HERC3: variants seen among roughly 807,000 people sequenced by gnomAD.
HERC3 encodes the protein HECT and RLD domain containing E3 ubiquitin protein ligase 3, also known as probable E3 ubiquitin-protein ligase HERC3.
Under a neutral mutation model 129.9 loss-of-function variants are expected in HERC3, and 58 were observed. That is an observed-to-expected ratio of 0.45 (90% CI 0.36 to 0.56). The LOEUF (loss-of-function observed/expected upper bound fraction) is 0.56, where lower values mean the gene tolerates loss of function less well. Among genes scored for constraint, HERC3 ranks in the 20% least tolerant of loss-of-function variants. HERC3 has a pLI of 0.00. For missense variants in HERC3, 835 were observed against 1,244.2 expected (o/e 0.67, Z 4.95); for synonymous variants, 430 against 451.0 (o/e 0.95, Z 0.59).
At chr4:88,545,896 A>T in the HERC3 span, among the ~76,000 whole-genome samples, 2 of 152,234 alleles carry the variant, frequency 1.3e-5, no homozygotes, top group Non-Finnish European at 2.9e-5. Flanking sequence ...AGATGTAATC[A>T]TTCAAGTGCT....
At chr4:88,703,876 A>C (rs535437958) in intron 23 of HERC3, among the ~76,000 whole-genome samples, 1 of 152,206 alleles carries the variant, frequency 6.6e-6, no homozygotes, top group African/African-American at 2.4e-5. Context: ...TATCTGGCTT[A>C]TCCTGCCTTG....
intron 25 of HERC3, among the ~76,000 whole-genome samples, chr4:88,704,863 C>CTTTCTTTTTCTTT (rs1336673525): frequency 7.7e-6 from 1 of 130,672 alleles, no homozygotes; most frequent in African/African-American, 3.0e-5. Flanking sequence ...TTCTTTCTTT[C>CTTTCTTTTTCTTT]TTTTTTTTTT....
chr4:88,692,263 A>G (rs1470961889), intron 23 of HERC3, among the ~76,000 whole-genome samples: 1 of 149,292 alleles, frequency 6.7e-6, no homozygotes, highest in Non-Finnish European at 1.5e-5. Flanking sequence ...CCTAAAATTT[A>G]CCTTAATTTG....
intron 23 of HERC3, among the ~76,000 whole-genome samples, chr4:88,702,908 T>C (rs1735450616): frequency 6.6e-6 from 1 of 152,140 alleles, no homozygotes; most frequent in African/African-American, 2.4e-5. Context: ...CATATATAAA[T>C]AAACATGGAG....
chr4:88,686,727 T>G lies in HERC3; in HGVS notation c.2508-9T>G, dbSNP rs760729162. The stretch of plus-strand genomic sequence containing the variant: ...TGCCACTTTTCCTTTTCTGTCATTC[T>G]ATGATTAGGAGTCTCCAAGAGCTTT... On this transcript the variant is annotated splice_polypyrimidine_tract_variant and intron_variant, in intron 21 of 25. Transcript: ENST00000402738. 6.9e-6 allele frequency: 11 copies of G among 1,596,794 alleles called. No homozygotes were observed. The highest frequency in any genetic ancestry group is 9.4e-6 in the Non-Finnish European group (11 of 1,164,724).
At chr4:88,604,939 A>T (rs559179624) in intron 2 of HERC3, among the ~76,000 whole-genome samples, 20 of 151,868 alleles carry the variant, frequency 1.3e-4, no homozygotes, top group Non-Finnish European at 2.5e-4. Flanking sequence ...GTAGCGAGAG[A>T]TGAGATTTTT....
chr4:88,642,965 A>T (rs955142737), intron 3 of HERC3, among the ~76,000 whole-genome samples: 1 of 152,126 alleles, frequency 6.6e-6, no homozygotes, highest in African/African-American at 2.4e-5. Flanking sequence ...AAGAAAAAAA[A>T]CCATCTCTAT....
At chr4:88,642,828 A>G (rs74654321) in intron 3 of HERC3, among the ~76,000 whole-genome samples, 2,164 of 150,572 alleles carry the variant, frequency 0.014, 55 homozygotes, top group African/African-American at 0.05. Flanking sequence ...ACCATTGGAC[A>G]TGGCAAGGAT....
intron 3 of HERC3, among the ~76,000 whole-genome samples, chr4:88,616,769 A>G (rs534249226): frequency 7.2e-5 from 11 of 152,292 alleles, no homozygotes; most frequent in Admixed American, 1.3e-4. Flanking sequence ...GTCATGAACA[A>G]TGAGTAAAAT....
chr4:88,684,954 CAAA>C (rs1014093024), intron 21 of HERC3: 10 of 152,208 alleles, frequency 6.6e-5, no homozygotes, highest in African/African-American at 2.4e-4. Context: ...GAAGCGAGCA[CAAA>C]AGAAGACATT....
chr4:88,679,133 G>A (rs1483997363), intron 19 of HERC3, among the ~76,000 whole-genome samples: 2 of 152,204 alleles, frequency 1.3e-5, no homozygotes, highest in Non-Finnish European at 2.9e-5. Context: ...GATGATAATA[G>A]TACCCTATGC....
intron 2 of HERC3, among the ~76,000 whole-genome samples, chr4:88,603,739 A>C (rs1316271371): frequency 6.6e-6 from 1 of 152,260 alleles, no homozygotes; most frequent in East Asian, 1.9e-4. Context: ...AAAGCATTAG[A>C]TAAAGCTTCC....
At chr4:88,583,464 G>A in the HERC3 span, among the ~76,000 whole-genome samples, 1 of 151,668 alleles carries the variant, frequency 6.6e-6, no homozygotes, top group African/African-American at 2.4e-5. Context: ...TAAAAAAAAT[G>A]TAATTATATG....
At chr4:88,569,081 A>G in the HERC3 span, among the ~76,000 whole-genome samples, 1 of 152,120 alleles carries the variant, frequency 6.6e-6, no homozygotes, top group Non-Finnish European at 1.5e-5. Flanking sequence ...TTTCAAAGAT[A>G]TTTAAGACCT....
chr4:88,662,621 A>T, intron 11 of HERC3, 66 bp downstream of exon 11: 1 of 1,510,454 alleles, frequency 6.6e-7, no homozygotes, highest in African/African-American at 1.4e-5. Context: ...GCTTAGTGTG[A>T]TTTTCCGTAC....
At chr4:88,542,835 A>G in the HERC3 span, among the ~76,000 whole-genome samples, 21 of 152,218 alleles carry the variant, frequency 1.4e-4, no homozygotes, top group African/African-American at 4.8e-4. Context: ...AACGACAGAA[A>G]CCACACAATT....
At chr4:88,655,072 A>G in intron 7 of HERC3, 102 bp from the exon 8 acceptor site, 1 of 1,130,058 alleles carries the variant, frequency 8.8e-7, no homozygotes, top group South Asian at 1.9e-5. Context: ...AAGTGAATGT[A>G]GTGCTCTTGT....
chr4:88,603,734 A>G (rs1233272081), intron 2 of HERC3, among the ~76,000 whole-genome samples: 1 of 152,236 alleles, frequency 6.6e-6, no homozygotes, highest in Non-Finnish European at 1.5e-5. Flanking sequence ...TGATCAAAGC[A>G]TTAGATAAAG....
At chr4:88,564,652 A>G in the HERC3 span, among the ~76,000 whole-genome samples, 1 of 151,858 alleles carries the variant, frequency 6.6e-6, no homozygotes, top group African/African-American at 2.4e-5. Context: ...CTGGCTAAAG[A>G]TTTGTTGAGT....
Sources: allele counts gnomAD v4.1 joint callset (sites outside exome capture counted in the v4.1 genomes callset), GRCh38; gene constraint gnomAD v4.1.1; transcripts MANE v1.5; gene names NCBI Gene and HGNC (gene_info 2026-07-23, HGNC 2026-07-21).